The following SH3RF1 variants were observed in gnomAD, a reference collection of about 807,000 sequenced individuals.
The protein encoded by SH3RF1 is E3 ubiquitin-protein ligase SH3RF1.
A neutral mutation model predicts 74.0 loss-of-function variants in SH3RF1; 32 were observed. The ratio of observed to expected loss-of-function variants is 0.43; its 90% CI spans 0.33 to 0.58. The LOEUF (loss-of-function observed/expected upper bound fraction) is 0.58. SH3RF1 is among the 20% of genes least tolerant of loss of function. The pLI, the probability that SH3RF1 is intolerant of heterozygous loss-of-function variation, is 0.05. For synonymous variants in SH3RF1, 396 were observed against 439.6 expected (o/e 0.90, Z 1.24); for missense variants, 954 against 1,130.9 (o/e 0.84, Z 2.24).
intron 9 of SH3RF1, among the ~76,000 whole-genome samples, chr4:169,116,924 C>A (rs955874618): frequency 6.6e-6 from 1 of 152,184 alleles, no homozygotes; most frequent in Non-Finnish European, 1.5e-5. Flanking sequence ...AGACACTGAG[C>A]CAGTTCTTGA....
intron 11 of SH3RF1, among the ~76,000 whole-genome samples, chr4:169,100,897 T>A (rs1427587249): frequency 6.6e-6 from 1 of 152,146 alleles, no homozygotes. Context: ...GCTCATGCAG[T>A]TCCTTCTAGT....
At position 169,136,337 on chromosome 4, in the gene SH3RF1, G is replaced by GA; in HGVS notation, c.1048dup (p.Ser350PhefsTer87). ...ATTTACCTGAGAAGGGGCACTGCAG[G>GA]AGAGCCCAGACAGCTCGCTGATCCG... On this transcript the variant is annotated frameshift_variant, in exon 5 of 12. Coordinates refer to ENST00000284637, the MANE Select transcript of SH3RF1 (RefSeq NM_020870.4). LOFTEE classifies it high-confidence loss of function. 1 of 1,472,766 alleles carries GA rather than the reference G, an allele frequency of 6.8e-7. No individual in the cohort carries two copies. Among genetic ancestry groups the GA allele is most frequent in the Non-Finnish European group, 9.0e-7 (1 of 1,109,494 alleles). 91.2% of individuals were successfully genotyped at this position (1,472,766 alleles called of 1,614,324 possible).
At chr4:169,215,395 T>C (rs1276387839) in intron 2 of SH3RF1, among the ~76,000 whole-genome samples, 1 of 152,186 alleles carries the variant, frequency 6.6e-6, no homozygotes, top group African/African-American at 2.4e-5. Flanking sequence ...TCATGACAGA[T>C]ATTGCAGTTC....
chr4:169,167,042 T>A, intron 2 of SH3RF1: 1 of 215,514 alleles, frequency 4.6e-6, no homozygotes, highest in Non-Finnish European at 9.2e-6. Context: ...TCAAAGCCAT[T>A]CCTCAGCTCC....
chr4:169,147,317 G>T (rs967246091), intron 4 of SH3RF1, among the ~76,000 whole-genome samples: 1 of 152,172 alleles, frequency 6.6e-6, no homozygotes, highest in African/African-American at 2.4e-5. Flanking sequence ...ATCTCAGGAG[G>T]TTATGAACAT....
intron 2 of SH3RF1, among the ~76,000 whole-genome samples, chr4:169,174,528 G>C (rs931102987): frequency 1.7e-4 from 26 of 152,126 alleles, no homozygotes; most frequent in African/African-American, 5.8e-4. Flanking sequence ...TTGAGTAAAA[G>C]GGGAATCCAG....
At chr4:169,138,872 A>G (rs1306875588) in intron 4 of SH3RF1, among the ~76,000 whole-genome samples, 1 of 152,160 alleles carries the variant, frequency 6.6e-6, no homozygotes, top group African/African-American at 2.4e-5. Context: ...TGCTTTCTCA[A>G]CAGAACAATA....
At chr4:169,162,720 C>T (rs1449392951) in intron 2 of SH3RF1, among the ~76,000 whole-genome samples, 2 of 152,124 alleles carry the variant, frequency 1.3e-5, no homozygotes, top group African/African-American at 2.4e-5. Flanking sequence ...TCCCAGTGTC[C>T]CCTTTTCTTG....
At chr4:169,134,453 C>G (rs533982224) in intron 5 of SH3RF1, among the ~76,000 whole-genome samples, 1 of 152,216 alleles carries the variant, frequency 6.6e-6, no homozygotes, top group Non-Finnish European at 1.5e-5. Context: ...ATTGTCCACT[C>G]TCTTAAAGCT....
chr4:169,213,305 A>C (rs572145509), intron 2 of SH3RF1, among the ~76,000 whole-genome samples: 1 of 152,308 alleles, frequency 6.6e-6, no homozygotes, highest in South Asian at 2.1e-4. Context: ...TTCATATGCC[A>C]TATGTATATC....
intron 3 of SH3RF1, among the ~76,000 whole-genome samples, chr4:169,155,848 A>G (rs1475605548): frequency 6.6e-6 from 1 of 150,824 alleles, no homozygotes; most frequent in Non-Finnish European, 1.5e-5. Context: ...TGCAACCTCA[A>G]ATGATACCTA....
At chr4:169,102,984 C>T (rs1395470426) in intron 11 of SH3RF1, among the ~76,000 whole-genome samples, 2 of 122,606 alleles carry the variant, frequency 1.6e-5, no homozygotes, top group East Asian at 2.6e-4. Flanking sequence ...TGCAGTGATG[C>T]GACTGTGGCT....
intron 8 of SH3RF1, among the ~76,000 whole-genome samples, chr4:169,119,815 G>C (rs1416637426): frequency 6.6e-6 from 1 of 152,158 alleles, no homozygotes. Flanking sequence ...GGCGGTTTGA[G>C]GAAAGATTTA....
At chr4:169,259,392 T>C (rs1731239264) in intron 2 of SH3RF1, among the ~76,000 whole-genome samples, 1 of 152,174 alleles carries the variant, frequency 6.6e-6, no homozygotes, top group South Asian at 2.1e-4. Context: ...CTCCATTCCC[T>C]TCCCAGCTAC....
At chr4:169,169,925 T>C (rs1734298926) in intron 2 of SH3RF1, among the ~76,000 whole-genome samples, 1 of 152,160 alleles carries the variant, frequency 6.6e-6, no homozygotes, top group South Asian at 2.1e-4. Context: ...AAATGAGTGT[T>C]ACTAGAAGAT....
intron 2 of SH3RF1, among the ~76,000 whole-genome samples, chr4:169,246,809 A>T (rs1013115413): frequency 6.6e-6 from 1 of 152,258 alleles, no homozygotes; most frequent in Non-Finnish European, 1.5e-5. Context: ...CAATTATTTC[A>T]TTCTGAAACT....
At chr4:169,144,241 G>C (rs1174810852) in intron 4 of SH3RF1, among the ~76,000 whole-genome samples, 1 of 152,114 alleles carries the variant, frequency 6.6e-6, no homozygotes, top group African/African-American at 2.4e-5. Context: ...TGTTGACTTG[G>C]GCAAGTCATT....
chr4:169,126,246 T>A (rs1733521977), intron 6 of SH3RF1, among the ~76,000 whole-genome samples: 1 of 152,238 alleles, frequency 6.6e-6, no homozygotes, highest in Non-Finnish European at 1.5e-5. Context: ...GAAAATACAC[T>A]ATGTGCTTCT....
intron 2 of SH3RF1, among the ~76,000 whole-genome samples, chr4:169,157,860 C>G (rs112682025): frequency 6.6e-6 from 1 of 152,182 alleles, no homozygotes; most frequent in African/African-American, 2.4e-5. Flanking sequence ...AACGCTTCAG[C>G]CTCCCAAGTA....
Sources: gnomAD v4.1 joint callset for allele counts (sites outside exome capture counted in the v4.1 genomes callset) on GRCh38, gnomAD v4.1.1 for gene constraint, MANE v1.5 for transcripts, NCBI Gene and HGNC (gene_info 2026-07-23, HGNC 2026-07-21) for gene names.